SFMBT1: variants seen among roughly 807,000 people sequenced by gnomAD.
SFMBT1 encodes the protein scm-like with four MBT domains protein 1.
In SFMBT1, 32 loss-of-function variants were observed where a neutral mutation model predicts 108.7. The observed-to-expected ratio is 0.29, with a 90% CI of 0.22 to 0.40. The LOEUF (loss-of-function observed/expected upper bound fraction) is 0.40. Among genes scored for constraint, SFMBT1 ranks in the 10% least tolerant of loss-of-function variants. The pLI, the probability that SFMBT1 is intolerant of heterozygous loss-of-function variation, is 1.00. For synonymous variants in SFMBT1, 348 were observed against 369.5 expected (o/e 0.94, Z 0.67); for missense variants, 816 against 1,059.6 (o/e 0.77, Z 3.19).
rs34099481 is a variant in SFMBT1 at position 52,982,729 on chromosome 3, C to CAAAAAAAAAAAAAAAAA, written c.-130-13488_-130-13472dup. On this transcript the variant is annotated intron_variant, in intron 1 of 20. Coordinates refer to ENST00000394752, the MANE Select transcript of SFMBT1 (RefSeq NM_016329.4). ...GGGCGACAGAGCAAGACTCCCATCTCAAAAAAAAAAAAAAAAAAAAAAAAG... is the reference window on the plus strand; with the variant it reads ...GGGCGACAGAGCAAGACTCCCATCTCAAAAAAAAAAAAAAAAAAAAAAAAAAAAAAAAAAAAAAAAAG... Among the ~76,000 whole-genome samples, 33 of 69,112 alleles carry CAAAAAAAAAAAAAAAAA rather than the reference C, an allele frequency of 4.8e-4. 1 individual carries two copies. The highest frequency in any genetic ancestry group is 1.2e-3 in the African/African-American group (19 of 15,636). 45.3% of individuals were successfully genotyped at this position (69,112 alleles called of 152,430 possible).
In SFMBT1 at chr3:53,001,017, TTGG is replaced by T. The variant is rs149409413; in HGVS notation, c.-130-31762_-130-31760del. Among the ~76,000 whole-genome samples the T allele has an allele frequency of 7.6e-3, 1,142 of 150,204 alleles. 40 individuals are homozygous for T. Among genetic ancestry groups the T allele is most frequent in the African/African-American group, 0.026 (1,089 of 41,380 alleles). On this transcript the variant is annotated intron_variant, in intron 1 of 20. Transcript: ENST00000394752. ...GAAGCAATCTTTGAATAATGGATAT[TTGG>T]ATGTTCATCTCACTGTTTAGTCTAC...
intron 3 of SFMBT1, among the ~76,000 whole-genome samples, chr3:52,949,375 T>TGCTG (rs1703489596): frequency 6.6e-6 from 1 of 152,108 alleles, no homozygotes; most frequent in East Asian, 1.9e-4. Flanking sequence ...ATTTTCTGCC[T>TGCTG]GCTGGATCTG....
intron 1 of SFMBT1, among the ~76,000 whole-genome samples, chr3:53,009,158 C>T (rs1489236508): frequency 6.6e-6 from 1 of 151,620 alleles, no homozygotes; most frequent in Non-Finnish European, 1.5e-5. Context: ...GTGAGAATAC[C>T]ACTTTTGGCT....
chr3:52,951,759 T>C (rs1170022345), intron 3 of SFMBT1, among the ~76,000 whole-genome samples: 2 of 152,250 alleles, frequency 1.3e-5, no homozygotes, highest in Non-Finnish European at 2.9e-5. Context: ...AGAATGCCTT[T>C]AAGCGGTTTT....
At chr3:53,014,714 CAG>C (rs1448634332) in intron 1 of SFMBT1, among the ~76,000 whole-genome samples, 1 of 152,152 alleles carries the variant, frequency 6.6e-6, no homozygotes, top group Non-Finnish European at 1.5e-5. Flanking sequence ...CAGTCTCTGA[CAG>C]GGGTGAGTCC....
intron 4 of SFMBT1, among the ~76,000 whole-genome samples, chr3:52,939,855 T>C (rs542444071): frequency 1.5e-4 from 23 of 152,258 alleles, no homozygotes; most frequent in African/African-American, 5.0e-4. Context: ...ATTCTTTTAT[T>C]TCCAGTTCTT....
intron 17 of SFMBT1, among the ~76,000 whole-genome samples, chr3:52,909,196 A>G (rs367963517): frequency 6.6e-6 from 1 of 152,244 alleles, no homozygotes. Flanking sequence ...GCTAATTTCA[A>G]CTATATTATT....
At chr3:52,982,684 G>A (rs1014304217) in intron 1 of SFMBT1, among the ~76,000 whole-genome samples, 10 of 139,304 alleles carry the variant, frequency 7.2e-5, no homozygotes, top group African/African-American at 1.6e-4. Context: ...AGCTGAGATC[G>A]CGGCACTGCA....
intron 1 of SFMBT1, 25 bp from the exon 2 acceptor site, chr3:52,969,283 A>G: frequency 6.7e-7 from 1 of 1,483,738 alleles, no homozygotes; most frequent in East Asian, 2.3e-5. Flanking sequence ...AGAACACATT[A>G]AACAGCCTGA....
At chr3:52,921,915 G>C in intron 10 of SFMBT1, 84 bp from the exon 11 acceptor site, 1 of 1,312,502 alleles carries the variant, frequency 7.6e-7, no homozygotes, top group East Asian at 2.3e-5. Flanking sequence ...TTTTCAAGTA[G>C]TACTTAATCC....
At chr3:53,014,428 C>A (rs1368698422) in intron 1 of SFMBT1, among the ~76,000 whole-genome samples, 1 of 151,928 alleles carries the variant, frequency 6.6e-6, no homozygotes, top group Non-Finnish European at 1.5e-5. Flanking sequence ...CGTGATCACA[C>A]CACTGCACTC....
Position 52,916,233 on chromosome 3 carries a change from GTAAA to G in SFMBT1, c.1416-23_1416-20del. On this transcript the variant is annotated intron_variant, in intron 13 of 20. Transcript: ENST00000394752. ...TGGTACTCTGGGTCAAGAAAACACA[GTAAA>G]ATAGTGAGATAATTCTTAAGATCAG... The G allele has an allele frequency of 1.9e-6, 3 of 1,603,832 alleles. No individual in the cohort carries two copies. The highest frequency in any genetic ancestry group is 2.6e-6 in the Non-Finnish European group (3 of 1,171,682).
intron 1 of SFMBT1, among the ~76,000 whole-genome samples, chr3:53,038,113 AAT>A (rs1160451533): frequency 7.2e-5 from 11 of 152,122 alleles, no homozygotes; most frequent in Non-Finnish European, 1.6e-4. Flanking sequence ...TCAAAAAAAA[AAT>A]GTTTTAAAAA....
chr3:53,020,950 T>C (rs941690804), intron 1 of SFMBT1, among the ~76,000 whole-genome samples: 1 of 151,928 alleles, frequency 6.6e-6, no homozygotes, highest in African/African-American at 2.4e-5. Flanking sequence ...CCTAGCTACA[T>C]GAGAGGCCGA....
Position 52,907,664 on chromosome 3 carries a change from C to T in SFMBT1, c.1976G>A (p.Cys659Tyr). ...RPPGGHSNLACALKKASKRRK... is the reference protein window; with the variant it reads ...RPPGGHSNLAYALKKASKRRK... ...CCTCTTACTGGCTTTTTTCAGGGCA[C>T]AAGCTAAGTTACTATGCCCACCAGG... The change falls in exon 18 of 21, where the codon TGT (cysteine) becomes TAT (tyrosine). Residue 659 changes from cysteine to tyrosine, a missense_variant. By Grantham distance (194) the Cys-to-Tyr change is radical (BLOSUM62 -2). Coordinates refer to ENST00000394752, the MANE Select transcript of SFMBT1 (RefSeq NM_016329.4). 6.2e-7 allele frequency: 1 copy of T among 1,614,182 alleles called. No individual in the cohort carries two copies. The highest frequency in any genetic ancestry group is 8.5e-7 in the Non-Finnish European group (1 of 1,180,016).
chr3:52,956,323 G>A (rs1245328355), intron 2 of SFMBT1, among the ~76,000 whole-genome samples: 2 of 152,182 alleles, frequency 1.3e-5, no homozygotes, highest in African/African-American at 2.4e-5. Context: ...AGCTGGGTGT[G>A]GCGGCACGCA....
chr3:53,017,942 TGAA>T (rs1443821663), intron 1 of SFMBT1: 1 of 152,136 alleles, frequency 6.6e-6, no homozygotes, highest in African/African-American at 2.4e-5. Flanking sequence ...CTTAGAAAAT[TGAA>T]GAATAGGCTG....
intron 1 of SFMBT1, among the ~76,000 whole-genome samples, chr3:52,986,330 T>C (rs545422126): frequency 7.2e-4 from 109 of 152,266 alleles, no homozygotes; most frequent in African/African-American, 2.4e-3. Flanking sequence ...CACATTAAAT[T>C]TGTTTTAAGA....
intron 1 of SFMBT1, among the ~76,000 whole-genome samples, chr3:53,002,753 A>G (rs938649356): frequency 1.3e-5 from 2 of 150,402 alleles, no homozygotes; most frequent in Non-Finnish European, 3.0e-5. Flanking sequence ...GAATTTTCAA[A>G]ACAGCCTCCT....
Sources: allele counts gnomAD v4.1 joint callset (sites outside exome capture counted in the v4.1 genomes callset), GRCh38; gene constraint gnomAD v4.1.1; transcripts MANE v1.5; gene names NCBI Gene and HGNC (gene_info 2026-07-23, HGNC 2026-07-21).